The following SSBP2 variants were observed in gnomAD, a reference collection of about 807,000 sequenced individuals.
SSBP2 encodes the protein single stranded DNA binding protein 2.
SSBP2 carries 17 observed loss-of-function variants against 61.8 expected under a neutral mutation model. That is an observed-to-expected ratio of 0.28 (90% CI 0.19 to 0.41). SSBP2 has a LOEUF of 0.41. Among genes scored for constraint, SSBP2 ranks in the 10% least tolerant of loss-of-function variants. SSBP2 has a pLI of 1.00. For synonymous variants in SSBP2, 139 were observed against 141.3 expected, an observed-to-expected ratio of 0.98 and a Z score of 0.12; for missense variants, 310 against 458.7, an observed-to-expected ratio of 0.68 and a Z score of 2.96.
Position 81,419,342 on chromosome 5 carries a change from C to T in SSBP2, c.*1162G>A, listed in dbSNP as rs1761465431. On this transcript the variant is annotated 3_prime_UTR_variant, in exon 17 of 17. Coordinates refer to ENST00000320672, the MANE Select transcript of SSBP2 (RefSeq NM_012446.5). ...CAATACCAGTCAATTCTGCTGGTAG[C>T]AAGCAAGATACCTGGATAGAAAAGC... 1 of 152,184 alleles carries T rather than the reference C, an allele frequency of 6.6e-6. No individual in the cohort carries two copies. The highest frequency in any genetic ancestry group is 2.4e-5 in the African/African-American group (1 of 41,438). 9.4% of individuals were successfully genotyped at this position (152,184 alleles called of 1,614,324 possible).
rs778862219 is a variant in SSBP2, at chr5:81,474,586, A to G, written c.433-24T>C. On this transcript the variant is annotated intron_variant, in intron 6 of 16. Transcript: ENST00000320672. ...GCCTAGCAATTTATTAAGAAAAATA[A>G]AGAGCAATATTGTAAATATTTATAA... 1.0e-5 allele frequency: 16 copies of G among 1,557,792 alleles called. No homozygotes were observed. The South Asian group carries it at 1.6e-4, about 16-fold the overall frequency.
At chr5:81,433,946 GAAGA>G (rs1416025050) in intron 15 of SSBP2, among the ~76,000 whole-genome samples, 2 of 152,178 alleles carry the variant, frequency 1.3e-5, no homozygotes, top group African/African-American at 2.4e-5. Context: ...TAGCTAATGA[GAAGA>G]AAGATATTTA....
At chr5:81,573,371 C>T (rs1232232349) in intron 4 of SSBP2, among the ~76,000 whole-genome samples, 1 of 152,152 alleles carries the variant, frequency 6.6e-6, no homozygotes, top group African/African-American at 2.4e-5. Flanking sequence ...TTGCCAATGT[C>T]GAAAGCATGG....
At chr5:81,692,097 T>C (rs534405006) in intron 1 of SSBP2, among the ~76,000 whole-genome samples, 2 of 152,330 alleles carry the variant, frequency 1.3e-5, no homozygotes, top group South Asian at 2.1e-4. Context: ...CTTTATCTTA[T>C]ATTTGGTAAA....
At chr5:81,508,726 A>G (rs142222016) in intron 5 of SSBP2, among the ~76,000 whole-genome samples, 44 of 152,268 alleles carry the variant, frequency 2.9e-4, no homozygotes, top group African/African-American at 9.6e-4. Flanking sequence ...TATACTTATC[A>G]TGGAAGAGGG....
In SSBP2 at chr5:81,445,717, G is replaced by T. The variant is rs188250909; in HGVS notation, c.778+1151C>A. 3.9e-5 allele frequency among the ~76,000 whole-genome samples: 6 copies of T among 152,172 alleles called. No homozygotes were observed. The East Asian group carries it at 1.2e-3, about 29-fold the overall frequency. On this transcript the variant is annotated intron_variant, in intron 12 of 16. Coordinates refer to ENST00000320672, the MANE Select transcript of SSBP2 (RefSeq NM_012446.5). ...TATGATCAATGATACTGAATTTCAA[G>T]CTTCTATCTTAATTTCAACAAGCCA...
intron 8 of SSBP2, 26 bp downstream of exon 8, chr5:81,473,674 A>G (rs779320691): frequency 3.7e-6 from 6 of 1,607,104 alleles, no homozygotes; most frequent in Non-Finnish European, 5.1e-6. Flanking sequence ...TATCTTTGCT[A>G]TTGTAAATAT....
At chr5:81,675,927 C>G (rs918500813) in intron 1 of SSBP2, among the ~76,000 whole-genome samples, 1 of 152,136 alleles carries the variant, frequency 6.6e-6, no homozygotes, top group Non-Finnish European at 1.5e-5. Context: ...TCTTCTCATT[C>G]CACACATTTT....
intron 5 of SSBP2, among the ~76,000 whole-genome samples, chr5:81,507,672 C>T (rs1198502750): frequency 6.6e-6 from 1 of 151,958 alleles, no homozygotes; most frequent in African/African-American, 2.4e-5. Flanking sequence ...TAAAAGCTTT[C>T]TTGTGGTAAA....
chr5:81,573,325 A>C (rs929757709), intron 4 of SSBP2, among the ~76,000 whole-genome samples: 1 of 152,258 alleles, frequency 6.6e-6, no homozygotes, highest in African/African-American at 2.4e-5. Flanking sequence ...GTTTGTAAAC[A>C]CAGATAATCC....
At chr5:81,718,947 T>A (rs1420343313) in intron 1 of SSBP2, among the ~76,000 whole-genome samples, 1 of 152,220 alleles carries the variant, frequency 6.6e-6, no homozygotes, top group African/African-American at 2.4e-5. Context: ...ACCTCTTACA[T>A]AAATATCTCA....
At chr5:81,545,295 A>G (rs191324536) in intron 4 of SSBP2, among the ~76,000 whole-genome samples, 4 of 152,332 alleles carry the variant, frequency 2.6e-5, no homozygotes, top group Admixed American at 2.0e-4. Context: ...TGGCAATCCT[A>G]TACATAGTAG....
intron 4 of SSBP2, among the ~76,000 whole-genome samples, chr5:81,549,199 C>G (rs888888703): frequency 6.6e-6 from 1 of 152,092 alleles, no homozygotes; most frequent in Non-Finnish European, 1.5e-5. Context: ...ACTACCACAC[C>G]TTAACTGTGC....
chr5:81,597,061 G>T (rs1024223614), intron 4 of SSBP2, among the ~76,000 whole-genome samples: 3 of 151,966 alleles, frequency 2.0e-5, no homozygotes, highest in African/African-American at 7.2e-5. Flanking sequence ...CAACCTGTTG[G>T]GAGAAAATTC....
chr5:81,628,243 T>C (rs1281218322), intron 3 of SSBP2, among the ~76,000 whole-genome samples: 1 of 152,156 alleles, frequency 6.6e-6, no homozygotes, highest in Non-Finnish European at 1.5e-5. Flanking sequence ...GAATGAAAGC[T>C]GAGCGAAGGG....
chr5:81,541,275 C>A (rs1441244718), intron 4 of SSBP2, among the ~76,000 whole-genome samples: 2 of 152,068 alleles, frequency 1.3e-5, no homozygotes, highest in Admixed American at 6.6e-5. Context: ...ATAGAAGACA[C>A]AAACAAATGT....
At chr5:81,742,852 C>A (rs559133879) in intron 1 of SSBP2, among the ~76,000 whole-genome samples, 16 of 152,100 alleles carry the variant, frequency 1.1e-4, no homozygotes, top group Middle Eastern at 3.4e-3. Flanking sequence ...TTCACTCCAG[C>A]CTGGGCAAAA....
intron 4 of SSBP2, among the ~76,000 whole-genome samples, chr5:81,576,842 A>G (rs1028645234): frequency 6.6e-6 from 1 of 152,098 alleles, no homozygotes. Context: ...GGTGTTTTTT[A>G]AAAGTACAGC....
intron 4 of SSBP2, among the ~76,000 whole-genome samples, chr5:81,527,900 G>GT (rs1030439300): frequency 1.7e-5 from 2 of 120,980 alleles, no homozygotes; most frequent in African/African-American, 3.9e-5. Flanking sequence ...ACTTAAAGTA[G>GT]TAAAAAAAAA....
Sources: gnomAD v4.1 joint callset for allele counts (sites outside exome capture counted in the v4.1 genomes callset) on GRCh38, gnomAD v4.1.1 for gene constraint, MANE v1.5 for transcripts, NCBI Gene and HGNC (gene_info 2026-07-23, HGNC 2026-07-21) for gene names.